TBC1D32: variants seen among roughly 807,000 people sequenced by gnomAD.
TBC1D32 encodes the protein TBC1 domain family member 32.
In TBC1D32, 151 loss-of-function variants were observed where a neutral mutation model predicts 170.3. The observed-to-expected ratio is 0.89, with a 90% CI of 0.78 to 1.01. The LOEUF (loss-of-function observed/expected upper bound fraction) is 1.01, where lower values mean the gene tolerates loss of function less well. Ranked by LOEUF, TBC1D32 falls within the 50% of genes least tolerant of loss-of-function variation. TBC1D32 has a pLI of 0.00. For synonymous variants in TBC1D32, 498 were observed against 488.0 expected, an observed-to-expected ratio of 1.02 and a Z score of -0.27; for missense variants, 1,464 against 1,457.1, an observed-to-expected ratio of 1.00 and a Z score of -0.08.
chr6:121,157,787 T>G (rs534559368), intron 24 of TBC1D32, among the ~76,000 whole-genome samples: 2 of 152,226 alleles, frequency 1.3e-5, no homozygotes, highest in African/African-American at 4.8e-5. Context: ...GATATTAAAT[T>G]CTTGGTTGAA....
chr6:121,086,694 T>C (rs1483299336), intron 31 of TBC1D32, among the ~76,000 whole-genome samples: 1 of 152,186 alleles, frequency 6.6e-6, no homozygotes, highest in African/African-American at 2.4e-5. Flanking sequence ...GGCAATCTTT[T>C]TCTAGGCTGG....
At chr6:121,268,936 G>A (rs1800941198) in intron 15 of TBC1D32, among the ~76,000 whole-genome samples, 2 of 152,316 alleles carry the variant, frequency 1.3e-5, no homozygotes, top group Non-Finnish European at 2.9e-5. Context: ...CTGCAAGCCA[G>A]AAGAGAGTAG....
At chr6:121,193,659 A>G (rs1257218224) in intron 22 of TBC1D32, among the ~76,000 whole-genome samples, 1 of 152,246 alleles carries the variant, frequency 6.6e-6, no homozygotes, top group Non-Finnish European at 1.5e-5. Context: ...CAAAGCAGCA[A>G]ACAGAACAGT....
intron 21 of TBC1D32, among the ~76,000 whole-genome samples, chr6:121,213,514 TAAAATAAAATAAATA>T (rs1388497451): frequency 0.17 from 830 of 4,826 alleles, 12 homozygotes; most frequent in African/African-American, 0.22. Flanking sequence ...TAAAATAAAA[TAAAATAAAATAAATA>T]AAATAAAATA....
chr6:121,232,781 G>C (rs966223630), intron 20 of TBC1D32, among the ~76,000 whole-genome samples: 1 of 151,750 alleles, frequency 6.6e-6, no homozygotes, highest in Admixed American at 6.6e-5. Context: ...GATTATTCTT[G>C]TTTCTCTAGT....
chr6:121,267,694 T>A lies in TBC1D32; in HGVS notation c.1734-11409A>T, dbSNP rs973401523. 2.0e-5 allele frequency among the ~76,000 whole-genome samples: 3 copies of A among 152,160 alleles called. No individual in the cohort carries two copies. The East Asian group carries it at 5.8e-4, about 29-fold the overall frequency. On this transcript the variant is annotated intron_variant, in intron 15 of 31. Coordinates refer to ENST00000398212, the MANE Select transcript of TBC1D32 (RefSeq NM_152730.6). ...AGATGCCACCTCTGGGGACAGGGCA[T>A]AGCTGAACAAAAGGCAGCAGAAACT...
chr6:121,149,734 A>C (rs1368457744), intron 24 of TBC1D32, among the ~76,000 whole-genome samples: 1 of 152,334 alleles, frequency 6.6e-6, no homozygotes, highest in African/African-American at 2.4e-5. Context: ...TGTCTTTGCT[A>C]TACGGGCTCT....
chr6:121,330,864 G>C (rs999930332), intron 1 of TBC1D32, among the ~76,000 whole-genome samples: 3 of 152,150 alleles, frequency 2.0e-5, no homozygotes, highest in Non-Finnish European at 2.9e-5. Flanking sequence ...CATAATGAAA[G>C]CAACGTACTC....
chr6:121,241,523 T>G lies in TBC1D32; in HGVS notation c.2187A>C (p.Gly729=). The change falls in exon 19 of 32, where the codon GGA becomes GGC. Residue 729 remains glycine (G), a synonymous_variant. Coordinates refer to ENST00000398212, the MANE Select transcript of TBC1D32 (RefSeq NM_152730.6). ...QVSRHKKFGY[G]VLVTRVASTA... is the part of the protein sequence containing the mutation. ...TTGATGCCACTCGTGTAACCAAAAC[T>G]CCATAGCCAAATTTTTTATGCCTGC... 6.2e-7 allele frequency: 1 copy of G among 1,613,460 alleles called. No individual in the cohort carries two copies. Among genetic ancestry groups the G allele is most frequent in the Non-Finnish European group, 8.5e-7 (1 of 1,179,696 alleles).
chr6:121,218,091 A>T (rs1475278624), intron 21 of TBC1D32, among the ~76,000 whole-genome samples: 1 of 152,238 alleles, frequency 6.6e-6, no homozygotes, highest in Admixed American at 6.5e-5. Flanking sequence ...CTGGCAGTCA[A>T]GTCATATAGC....
intron 24 of TBC1D32, among the ~76,000 whole-genome samples, chr6:121,156,708 T>C (rs774022424): frequency 6.8e-6 from 1 of 146,140 alleles, no homozygotes; most frequent in Non-Finnish European, 1.5e-5. Flanking sequence ...TGTTAGTAAG[T>C]TGCATCTCTA....
At chr6:121,243,786 TATGTTTGAAGACCA>T (rs998034955) in intron 17 of TBC1D32, among the ~76,000 whole-genome samples, 3 of 150,380 alleles carry the variant, frequency 2.0e-5, no homozygotes, top group African/African-American at 7.3e-5. Context: ...TAAAAACAAC[TATGTTTGAAGACCA>T]AAAAAAAAAC....
At chr6:121,294,763 G>A in intron 10 of TBC1D32, 103 bp from the exon 11 acceptor site, 1 of 918,338 alleles carries the variant, frequency 1.1e-6, no homozygotes, top group East Asian at 2.5e-5. Flanking sequence ...AGAAATATTT[G>A]AGAAAAATAT....
At chr6:121,117,478 G>T (rs139871115) in intron 26 of TBC1D32, among the ~76,000 whole-genome samples, 1 of 152,200 alleles carries the variant, frequency 6.6e-6, no homozygotes, top group East Asian at 1.9e-4. Context: ...GAGAGGGATG[G>T]ATTACTTGAG....
intron 21 of TBC1D32, among the ~76,000 whole-genome samples, chr6:121,208,360 T>A (rs1186347400): frequency 2.6e-5 from 4 of 151,946 alleles, no homozygotes; most frequent in African/African-American, 4.8e-5. Flanking sequence ...AGCAAACACA[T>A]CCTTCTTCAC....
intron 22 of TBC1D32, among the ~76,000 whole-genome samples, chr6:121,197,286 A>G (rs1472108479): frequency 6.6e-6 from 1 of 152,222 alleles, no homozygotes; most frequent in Non-Finnish European, 1.5e-5. Context: ...AGGCAGGACT[A>G]CAAATGGTCC....
intron 20 of TBC1D32, among the ~76,000 whole-genome samples, chr6:121,227,160 C>T (rs1192145758): frequency 1.3e-5 from 2 of 152,118 alleles, no homozygotes; most frequent in African/African-American, 2.4e-5. Context: ...GCCCATGGGC[C>T]GCAGGTTCAA....
chr6:121,318,887 C>T (rs907550060), intron 2 of TBC1D32, among the ~76,000 whole-genome samples: 1 of 150,808 alleles, frequency 6.6e-6, no homozygotes, highest in African/African-American at 2.4e-5. Flanking sequence ...CTGAATAATG[C>T]GTCATTGCAA....
At chr6:121,290,185 A>G (rs1324813688) in intron 12 of TBC1D32, among the ~76,000 whole-genome samples, 1 of 152,214 alleles carries the variant, frequency 6.6e-6, no homozygotes, top group African/African-American at 2.4e-5. Context: ...TGCACAGCAA[A>G]AGAAACTACC....
Sources: allele counts gnomAD v4.1 joint callset (sites outside exome capture counted in the v4.1 genomes callset), GRCh38; gene constraint gnomAD v4.1.1; transcripts MANE v1.5; gene names NCBI Gene and HGNC (gene_info 2026-07-23, HGNC 2026-07-21).